The following GLIS3 variants were observed in gnomAD, a reference collection of about 807,000 sequenced individuals.
The protein encoded by GLIS3 is zinc finger protein GLIS3.
GLIS3 carries 53 observed loss-of-function variants against 78.6 expected under a neutral mutation model. The observed-to-expected ratio is 0.67, with a 90% CI of 0.54 to 0.85. GLIS3 has a LOEUF of 0.85. GLIS3 is among the 40% of genes least tolerant of loss of function. The pLI is 0.00. For missense variants in GLIS3, 1,703 were observed against 1,231.1 expected, an observed-to-expected ratio of 1.38 and a Z score of -5.74; for synonymous variants, 684 against 509.9, an observed-to-expected ratio of 1.34 and a Z score of -4.60.
At chr9:4,166,541 T>C (rs138972935) in intron 2 of GLIS3, among the ~76,000 whole-genome samples, 50 of 152,364 alleles carry the variant, frequency 3.3e-4, no homozygotes, top group African/African-American at 1.2e-3. Context: ...ACTAATGATA[T>C]AAGTTCAAGT....
intron 1 of GLIS3, among the ~76,000 whole-genome samples, chr9:4,286,865 C>T (rs1285043551): frequency 1.3e-5 from 2 of 152,178 alleles, no homozygotes; most frequent in African/African-American, 2.4e-5. Flanking sequence ...TTCACTTTTG[C>T]TACAGTGGGT....
At chr9:4,126,144 G>A (rs535252593) in intron 2 of GLIS3, among the ~76,000 whole-genome samples, 4 of 152,004 alleles carry the variant, frequency 2.6e-5, no homozygotes, top group Admixed American at 6.6e-5. Flanking sequence ...TCCATAATCA[G>A]CACTCATACA....
the GLIS3 span, among the ~76,000 whole-genome samples, chr9:4,448,634 T>C: frequency 3.9e-5 from 6 of 152,364 alleles, no homozygotes; most frequent in Admixed American, 1.3e-4. Flanking sequence ...TGTGACCACA[T>C]AACTTGTTCT....
intron 4 of GLIS3, among the ~76,000 whole-genome samples, chr9:4,018,874 C>T (rs553773897): frequency 6.6e-6 from 1 of 152,354 alleles, no homozygotes; most frequent in Admixed American, 6.5e-5. Context: ...ATCCTGTGTT[C>T]TCGCTTAGAA....
At chr9:4,139,839 C>G (rs776718693) in intron 2 of GLIS3, among the ~76,000 whole-genome samples, 2 of 152,174 alleles carry the variant, frequency 1.3e-5, no homozygotes, top group African/African-American at 4.8e-5. Context: ...TGACACGAGG[C>G]GAAGCTTGGG....
At chr9:4,456,278 A>G in the GLIS3 span, among the ~76,000 whole-genome samples, 6 of 152,196 alleles carry the variant, frequency 3.9e-5, no homozygotes, top group South Asian at 1.2e-3. Flanking sequence ...GTCTTGCCTC[A>G]ATATTGATGG....
chr9:4,302,617 A>C (rs7858144), upstream of GLIS3, among the ~76,000 whole-genome samples: 13 of 152,368 alleles, frequency 8.5e-5, no homozygotes, highest in African/African-American at 2.6e-4. Context: ...TCTCCTACTT[A>C]GAAGCAAAGA....
chr9:4,257,390 C>G (rs1308871916), intron 2 of GLIS3, among the ~76,000 whole-genome samples: 1 of 152,070 alleles, frequency 6.6e-6, no homozygotes, highest in Non-Finnish European at 1.5e-5. Context: ...ATAAACAAGT[C>G]TAGAGTCTAA....
the GLIS3 span, among the ~76,000 whole-genome samples, chr9:4,353,760 A>G: frequency 1.3e-5 from 2 of 152,056 alleles, no homozygotes; most frequent in Non-Finnish European, 2.9e-5. Flanking sequence ...CCGCTGCACA[A>G]AGATGTATGT....
chr9:4,003,305 G>A (rs1196713033), intron 4 of GLIS3, among the ~76,000 whole-genome samples: 8 of 152,028 alleles, frequency 5.3e-5, no homozygotes. Flanking sequence ...GTATATAACA[G>A]AATTCTCCAT....
rs529580636 is a variant in GLIS3, at chr9:3,899,000, G to T, written c.1984-165C>A. ...TAACAGAGTGTCAATAAAAGGATCA[G>T]TTCTCCAATCCTAATAACACCTGGC... On this transcript the variant is annotated intron_variant, in intron 6 of 10. Coordinates refer to ENST00000381971, the MANE Select transcript of GLIS3 (RefSeq NM_001042413.2). 5 of 828,632 alleles carry T rather than the reference G, an allele frequency of 6.0e-6. No homozygotes were observed. The Admixed American group carries it at 8.2e-5, about 14-fold the overall frequency. 51.3% of individuals were successfully genotyped at this position (828,632 alleles called of 1,614,324 possible).
intron 2 of GLIS3, among the ~76,000 whole-genome samples, chr9:4,320,713 C>A (rs143747221): frequency 6.6e-6 from 1 of 152,088 alleles, no homozygotes. Context: ...ACTATCTCTA[C>A]TATCACTGCC....
intron 4 of GLIS3, among the ~76,000 whole-genome samples, chr9:4,096,909 G>T (rs1281873538): frequency 6.6e-6 from 1 of 152,178 alleles, no homozygotes; most frequent in Non-Finnish European, 1.5e-5. Context: ...CTACTCGGGA[G>T]GCTGAGGCAG....
the GLIS3 span, among the ~76,000 whole-genome samples, chr9:4,488,534 TA>T: frequency 1.3e-5 from 2 of 151,876 alleles, no homozygotes; most frequent in African/African-American, 4.8e-5. Context: ...CTTTTTTTTT[TA>T]TGAGACAGGG....
chr9:4,010,629 G>A (rs1036345918), intron 4 of GLIS3, among the ~76,000 whole-genome samples: 5 of 152,246 alleles, frequency 3.3e-5, no homozygotes, highest in African/African-American at 9.6e-5. Flanking sequence ...CGTGAAAATC[G>A]CCTGCTTTGG....
chr9:4,138,364 G>A (rs981370206), intron 2 of GLIS3, among the ~76,000 whole-genome samples: 2 of 152,184 alleles, frequency 1.3e-5, no homozygotes, highest in Non-Finnish European at 2.9e-5. Flanking sequence ...ACCAATTGGA[G>A]AGAGTGTTAA....
At chr9:4,124,795 C>T (rs1469553660) in intron 3 of GLIS3, among the ~76,000 whole-genome samples, 1 of 152,076 alleles carries the variant, frequency 6.6e-6, no homozygotes, top group Non-Finnish European at 1.5e-5. Flanking sequence ...GGTTACAGAT[C>T]CTAAAGAAGA....
chr9:4,000,902 A>T (rs1821082469), intron 4 of GLIS3, among the ~76,000 whole-genome samples: 1 of 152,176 alleles, frequency 6.6e-6, no homozygotes, highest in South Asian at 2.1e-4. Flanking sequence ...GTCTTCCCTG[A>T]TTATTCTGAT....
intron 4 of GLIS3, among the ~76,000 whole-genome samples, chr9:4,087,942 T>C (rs1829180574): frequency 6.6e-6 from 1 of 152,186 alleles, no homozygotes; most frequent in African/African-American, 2.4e-5. Context: ...GTTAGTTATG[T>C]ACATGGATTG....
Sources: allele counts gnomAD v4.1 joint callset (sites outside exome capture counted in the v4.1 genomes callset), GRCh38; gene constraint gnomAD v4.1.1; transcripts MANE v1.5; gene names NCBI Gene and HGNC (gene_info 2026-07-23, HGNC 2026-07-21).